The following MYSM1 variants were observed in gnomAD, a reference collection of about 807,000 sequenced individuals.
The protein encoded by MYSM1 is Myb like, SWIRM and MPN domains 1, also known as deubiquitinase MYSM1.
A neutral mutation model predicts 116.0 loss-of-function variants in MYSM1; 51 were observed. That is an observed-to-expected ratio of 0.44 (90% CI 0.35 to 0.56). The LOEUF is 0.56. Among genes scored for constraint, MYSM1 ranks in the 20% least tolerant of loss-of-function variants. The pLI is 0.00. For missense variants in MYSM1, 900 were observed against 974.9 expected (o/e 0.92, Z 1.02); for synonymous variants, 313 against 315.2 (o/e 0.99, Z 0.07).
rs1343061836 is a variant in MYSM1 at position 58,657,852 on chromosome 1, T to A, written c.*2145A>T. 1 of 152,158 alleles carries A rather than the reference T, an allele frequency of 6.6e-6. No homozygotes were observed. The highest frequency in any genetic ancestry group is 1.9e-4 in the East Asian group (1 of 5,194). The allele number at this position is 152,158 out of a possible 1,614,324, so 9.4% of individuals were successfully genotyped here. A position where few individuals can be genotyped will look rare whatever the true frequency, so the allele number is the denominator to read the frequency against. ...ATATGGCTTAGATTAGCAAATATGG[T>A]TAAACATTGGCACACAGGGCAAGGA... On this transcript the variant is annotated 3_prime_UTR_variant, in exon 20 of 20. Coordinates refer to ENST00000472487, the MANE Select transcript of MYSM1 (RefSeq NM_001085487.3).
chr1:58,690,097 A>G, intron 5 of MYSM1, 129 bp downstream of exon 5: 1 of 725,450 alleles, frequency 1.4e-6, no homozygotes, highest in Non-Finnish European at 2.2e-6. Context: ...CTTTATTAAA[A>G]AAACTGTTTT....
rs1225231872 is a variant in MYSM1, at chr1:58,698,123, C to T, written c.68+1862G>A. On this transcript the variant is annotated intron_variant, in intron 1 of 19. Coordinates refer to ENST00000472487, the MANE Select transcript of MYSM1 (RefSeq NM_001085487.3). Reference sequence around the variant, plus strand: ...ATATATTTTTTTTTTTTTTTTGAGACAGAGTCTCGCTCTGTTGCCCAGGCT... The same window carrying T: ...ATATATTTTTTTTTTTTTTTTGAGATAGAGTCTCGCTCTGTTGCCCAGGCT... Among the ~76,000 whole-genome samples, 5 of 14,612 alleles carry T rather than the reference C, an allele frequency of 3.4e-4. 1 individual carries two copies. Among genetic ancestry groups the T allele is most frequent in the African/African-American group, 1.7e-3 (5 of 2,934 alleles). The allele number at this position is 14,612 out of a possible 152,430, so 9.6% of individuals were successfully genotyped here. A position where few individuals can be genotyped will look rare whatever the true frequency, so the allele number is the denominator to read the frequency against.
In MYSM1 at chr1:58,682,054, T is replaced by C; in HGVS notation, c.990A>G (p.Gly330=). Residue 330 remains glycine, a synonymous_variant, in exon 8 of 20, where the codon GGA becomes GGG. Transcript: ENST00000472487. ...IKNCNKHDGR[G]IIVDARQLPS... Reference sequence around the variant, plus strand: ...GCAACTGCCTGGCATCAACTATTATTCCCCTTCCATCATGCTTGTTGCAGT... The same window carrying C: ...GCAACTGCCTGGCATCAACTATTATCCCCCTTCCATCATGCTTGTTGCAGT... 1 of 1,614,142 alleles carries C rather than the reference T, an allele frequency of 6.2e-7. No homozygotes were observed. Among genetic ancestry groups the C allele is most frequent in the Non-Finnish European group, 8.5e-7 (1 of 1,180,024 alleles).
intron 6 of MYSM1, among the ~76,000 whole-genome samples, chr1:58,686,227 T>A (rs1202874485): frequency 1.3e-5 from 2 of 150,816 alleles, no homozygotes; most frequent in East Asian, 3.9e-4. Context: ...AAAAAAAAAA[T>A]GACAACTTGA....
At chr1:58,661,098 G>A (rs1034045642) in intron 19 of MYSM1, 72 bp downstream of exon 19, 8 of 1,122,620 alleles carry the variant, frequency 7.1e-6, no homozygotes, top group Non-Finnish European at 1.1e-5. Context: ...TAGGCATCAT[G>A]GGAAAACACA....
chr1:58,685,934 T>C (rs1241658427), intron 6 of MYSM1, among the ~76,000 whole-genome samples: 3 of 152,222 alleles, frequency 2.0e-5, no homozygotes, highest in African/African-American at 7.2e-5. Flanking sequence ...TGTCAGTTTT[T>C]ATTTCATTTT....
At chr1:58,670,636 A>G (rs1158038670) in intron 12 of MYSM1, among the ~76,000 whole-genome samples, 3 of 152,208 alleles carry the variant, frequency 2.0e-5, no homozygotes, top group Admixed American at 2.0e-4. Context: ...TAAACAAGAC[A>G]TCCGATATGA....
intron 5 of MYSM1, 84 bp from the exon 6 acceptor site, chr1:58,689,200 T>C: frequency 6.1e-6 from 6 of 982,216 alleles, no homozygotes; most frequent in Non-Finnish European, 9.2e-6. Context: ...TAGATAGCCA[T>C]GGGCTAAATT....
At chr1:58,661,253 C>T in intron 18 of MYSM1, 26 bp from the exon 19 acceptor site, 4 of 1,587,022 alleles carry the variant, frequency 2.5e-6, no homozygotes, top group Non-Finnish European at 2.6e-6. Flanking sequence ...TGAAAACAAA[C>T]TGGTGAAACG....
intron 8 of MYSM1, among the ~76,000 whole-genome samples, chr1:58,677,274 C>A (rs953738225): frequency 6.6e-6 from 1 of 152,046 alleles, no homozygotes; most frequent in South Asian, 2.1e-4. Context: ...TAATTTTTTA[C>A]AAGCAATATT....
Position 58,658,958 on chromosome 1 carries a change from A to AACACACAGACAC in MYSM1, c.*1038_*1039insGTGTCTGTGTGT, listed in dbSNP as rs1553134049. The stretch of plus-strand genomic sequence containing the variant: ...TTTTTATCATTTTAAAGGGCTGTAA[A>AACACACAGACAC]ACACACACACACACACACACACACA... On this transcript the variant is annotated 3_prime_UTR_variant, in exon 20 of 20. Transcript: ENST00000472487. The AACACACAGACAC allele has an allele frequency of 1.5e-5, 2 of 137,878 alleles. No individual in the cohort carries two copies. The highest frequency in any genetic ancestry group is 5.4e-5 in the African/African-American group (2 of 37,052). 8.5% of individuals were successfully genotyped at this position (137,878 alleles called of 1,614,324 possible).
At position 58,681,896 on chromosome 1, in the gene MYSM1, C is replaced by G; in HGVS notation, c.1148G>C (p.Arg383Thr). The G allele has an allele frequency of 6.2e-7, 1 of 1,613,746 alleles. No individual in the cohort carries two copies. Among genetic ancestry groups the G allele is most frequent in the African/African-American group, 1.3e-5 (1 of 74,992 alleles). ...KPPEQEIEID[R>T]NIIQEEEKQA... ...TTTTTCTTCTTCTTGAATGATATTT[C>G]TATCTATTTCTATTTCCTGTTCTGG... Residue 383 changes from arginine to threonine, a missense_variant, in exon 8 of 20, where the codon AGA becomes ACA. By Grantham distance (71) the Arg-to-Thr change is moderately conservative. Coordinates refer to ENST00000472487, the MANE Select transcript of MYSM1 (RefSeq NM_001085487.3).
intron 16 of MYSM1, 108 bp from the exon 17 acceptor site, chr1:58,665,739 A>G: frequency 1.3e-6 from 1 of 791,684 alleles, no homozygotes; most frequent in Non-Finnish European, 2.0e-6. Context: ...AGGAACAAAA[A>G]GGTGCATTAA....
rs1369046191 is a variant in MYSM1 at position 58,667,070 on chromosome 1, AG to A, written c.1998del (p.Leu667TyrfsTer24). 6.2e-7 allele frequency: 1 copy of A among 1,612,076 alleles called. No individual in the cohort carries two copies. The highest frequency in any genetic ancestry group is 2.2e-5 in the East Asian group (1 of 44,802). The stretch of plus-strand genomic sequence containing the variant: ...TTAGCTTGTGTGTCAATATCTCGTA[AG>A]GAAGGATTAGGATCAAAAGCAGGAT... Reference protein sequence around the residue: ...HSHPAFDPNPSLRDIDTQAKY... With the variant: ...HSHPAFDPNPXLRDIDTQAKY... On this transcript the variant is annotated frameshift_variant, in exon 16 of 20. Transcript: ENST00000472487. LOFTEE classifies it high-confidence loss of function.
intron 11 of MYSM1, 123 bp from the exon 12 acceptor site, chr1:58,672,081 G>C (rs1644570324): frequency 2.8e-6 from 2 of 705,400 alleles, no homozygotes; most frequent in Non-Finnish European, 4.7e-6. Context: ...ATATAGATGG[G>C]CTTCCTTTTT....
At chr1:58,691,804 T>G (rs1190779656) in intron 3 of MYSM1, among the ~76,000 whole-genome samples, 2 of 151,736 alleles carry the variant, frequency 1.3e-5, no homozygotes, top group Non-Finnish European at 2.9e-5. Context: ...GAGGCAGAGG[T>G]TGCAGTGAGC....
At chr1:58,669,128 T>G in intron 12 of MYSM1, 90 bp from the exon 13 acceptor site, 1 of 910,014 alleles carries the variant, frequency 1.1e-6, no homozygotes, top group Non-Finnish European at 1.6e-6. Flanking sequence ...ATCAATAATC[T>G]AAACCCAAAT....
At chr1:58,679,373 T>C (rs926761747) in intron 8 of MYSM1, among the ~76,000 whole-genome samples, 1 of 152,216 alleles carries the variant, frequency 6.6e-6, no homozygotes, top group African/African-American at 2.4e-5. Flanking sequence ...ATAGTACCTA[T>C]ATAAATTAAT....
intron 16 of MYSM1, 79 bp downstream of exon 16, chr1:58,666,959 T>C (rs1018168230): frequency 1.7e-6 from 1 of 596,650 alleles, no homozygotes; most frequent in African/African-American, 1.9e-5. Context: ...ATATGAAAAA[T>C]GTTTAAAGTT....
Sources: allele counts gnomAD v4.1 joint callset (sites outside exome capture counted in the v4.1 genomes callset), GRCh38; gene constraint gnomAD v4.1.1; transcripts MANE v1.5; gene names NCBI Gene and HGNC (gene_info 2026-07-23, HGNC 2026-07-21).